Variants in PDCD4 observed in about 807,000 individuals in gnomAD.
PDCD4 encodes the protein programmed cell death protein 4.
Under a neutral mutation model 54.0 loss-of-function variants are expected in PDCD4, and 56 were observed. The ratio of observed to expected loss-of-function variants is 1.04; its 90% CI spans 0.84 to 1.30. The LOEUF is 1.30. Among genes scored for constraint, PDCD4 ranks in the 50% most tolerant of loss-of-function variants. The pLI is 0.00. For synonymous variants in PDCD4, 186 were observed against 194.8 expected, an observed-to-expected ratio of 0.95 and a Z score of 0.37; for missense variants, 584 against 559.8, an observed-to-expected ratio of 1.04 and a Z score of -0.44.
chr10:110,887,492 G>A (rs1348818040), intron 5 of PDCD4, among the ~76,000 whole-genome samples, 173 bp from the exon 6 acceptor site: 1 of 152,192 alleles, frequency 6.6e-6, no homozygotes, highest in Admixed American at 6.5e-5. Flanking sequence ...TTTATGCACA[G>A]GGAAAGGTGT....
At chr10:110,884,001 C>T (rs796493128) in intron 4 of PDCD4, among the ~76,000 whole-genome samples, 11 of 152,334 alleles carry the variant, frequency 7.2e-5, no homozygotes, top group African/African-American at 2.6e-4. Flanking sequence ...GTAAATATAG[C>T]AGTCCCCTCT....
At chr10:110,893,318 A>G (rs753287789) in intron 8 of PDCD4, among the ~76,000 whole-genome samples, 7 of 151,672 alleles carry the variant, frequency 4.6e-5, no homozygotes, top group Admixed American at 6.6e-5. Context: ...TTATGAAAAT[A>G]TCTTATAGAA....
intron 11 of PDCD4, among the ~76,000 whole-genome samples, chr10:110,897,014 C>CA (rs1160434366): frequency 2.6e-5 from 4 of 152,268 alleles, no homozygotes; most frequent in African/African-American, 9.6e-5. Flanking sequence ...AAGTGATATA[C>CA]ATCAGTAAAA....
At chr10:110,890,126 T>C (rs1029501160) in intron 7 of PDCD4, among the ~76,000 whole-genome samples, 1 of 152,236 alleles carries the variant, frequency 6.6e-6, no homozygotes, top group African/African-American at 2.4e-5. Context: ...TTGGGAGTTA[T>C]GCTATTTGAT....
intron 8 of PDCD4, among the ~76,000 whole-genome samples, chr10:110,891,685 T>A (rs1164307938): frequency 6.6e-6 from 1 of 152,168 alleles, no homozygotes; most frequent in Non-Finnish European, 1.5e-5. Context: ...TGTATGTGTA[T>A]CTAGCTTAAG....
rs1453582771 is a variant in PDCD4 at position 110,894,172 on chromosome 10, C to A, written c.1072C>A (p.His358Asn). ...EHCLKELEVP[H>N]FHHELVYEAI... ...TTGCCTTAAGGAACTGGAAGTACCTCATTTTCACCATGAGCTTGTATATGA... is the reference window on the plus strand; with the variant it reads ...TTGCCTTAAGGAACTGGAAGTACCTAATTTTCACCATGAGCTTGTATATGA... Residue 358 changes from histidine (H) to asparagine (N), a missense_variant, in exon 9 of 12, where the codon CAT becomes AAT. Coordinates refer to ENST00000280154, the MANE Select transcript of PDCD4 (RefSeq NM_014456.5). 1 of 1,592,890 alleles carries A rather than the reference C, an allele frequency of 6.3e-7. No homozygotes were observed. Among genetic ancestry groups the A allele is most frequent in the Non-Finnish European group, 8.6e-7 (1 of 1,161,032 alleles).
rs776512326 is a variant in PDCD4, at chr10:110,881,529, A to G, written c.340A>G (p.Lys114Glu). The G allele has an allele frequency of 3.7e-6, 6 of 1,610,006 alleles. No individual in the cohort carries two copies. In the South Asian group the frequency reaches 4.4e-5, roughly 12 times the overall value. Residue 114 changes from lysine to glutamate, a missense_variant, in exon 3 of 12, where the codon AAG (lysine) becomes GAG (glutamate). Coordinates refer to ENST00000280154, the MANE Select transcript of PDCD4 (RefSeq NM_014456.5). ...SRSGKGRGLP[K>E]KGGAGGKGVW... ...ATCTGGGAAAGGAAGGGGACTACCA[A>G]AGAAAGGTTGGTATATATCATGTCC...
In PDCD4 at chr10:110,899,049, T is replaced by C. The variant is rs994799070; in HGVS notation, c.*961T>C. The C allele has an allele frequency of 1.3e-5, 2 of 152,194 alleles. No individual in the cohort carries two copies. The highest frequency in any genetic ancestry group is 2.9e-5 in the Non-Finnish European group (2 of 68,018). The allele number at this position is 152,194 out of a possible 1,614,324, so 9.4% of individuals were successfully genotyped here. On this transcript the variant is annotated 3_prime_UTR_variant, in exon 12 of 12. Coordinates refer to ENST00000280154, the MANE Select transcript of PDCD4 (RefSeq NM_014456.5). ...AATTCTGTTACCAAATAATGGCTAA[T>C]GTTACAAAAAGTTATACTCCAGAGA...
At chr10:110,879,224 A>G (rs1306248897) in intron 2 of PDCD4, among the ~76,000 whole-genome samples, 2 of 152,198 alleles carry the variant, frequency 1.3e-5, no homozygotes, top group Admixed American at 6.5e-5. Flanking sequence ...TAATATACTC[A>G]GTATTCTTCT....
At chr10:110,875,583 A>G (rs1400261789) in intron 1 of PDCD4, among the ~76,000 whole-genome samples, 1 of 152,192 alleles carries the variant, frequency 6.6e-6, no homozygotes, top group African/African-American at 2.4e-5. Flanking sequence ...GGAACTATCC[A>G]GTATTTATAT....
chr10:110,887,702 G>A lies in PDCD4; in HGVS notation c.593G>A (p.Ser198Asn), dbSNP rs764099903. ...LRDLNLGEMKSGVPVLAVSLA... is the reference protein window; with the variant it reads ...LRDLNLGEMKNGVPVLAVSLA... ...GATTTAAATCTTGGTGAAATGAAAA[G>A]TGGAGTACCAGTGTTGGCAGTATCC... The change falls in exon 6 of 12, where the codon AGT (serine) becomes AAT (asparagine). Residue 198 changes from serine to asparagine, a missense_variant. Transcript: ENST00000280154. The A allele has an allele frequency of 6.2e-7, 1 of 1,613,152 alleles. No homozygotes were observed. Among genetic ancestry groups the A allele is most frequent in the East Asian group, 2.2e-5 (1 of 44,854 alleles).
rs748913599 is a variant in PDCD4 at position 110,889,534 on chromosome 10, T to A, written c.779T>A (p.Leu260Ter). The part of the protein sequence containing the change: ...LALDTPRAPQ[L>*]VGQFIARAVG... ...CTCTTTTTTTTTTCCTTTTTACAGT[T>A]GGTGGGCCAGTTTATTGCTAGAGCT... Residue 260 changes from leucine (L) to a stop codon, truncating the protein, a stop_gained and splice_region_variant, in exon 7 of 12, where the codon TTG (leucine) becomes TAG (stop). Transcript: ENST00000280154. LOFTEE classifies it high-confidence loss of function. The A allele has an allele frequency of 6.4e-7, 1 of 1,572,238 alleles. No individual in the cohort carries two copies. The highest frequency in any genetic ancestry group is 8.7e-7 in the Non-Finnish European group (1 of 1,149,066).
intron 2 of PDCD4, chr10:110,876,682 A>G (rs1393728753): frequency 1.1e-5 from 13 of 1,202,760 alleles, no homozygotes; most frequent in East Asian, 3.0e-5. Flanking sequence ...TATTTTCCCT[A>G]ATTCTCCATG....
chr10:110,882,830 A>T (rs1281760659), intron 3 of PDCD4, among the ~76,000 whole-genome samples, 173 bp from the exon 4 acceptor site: 1 of 152,182 alleles, frequency 6.6e-6, no homozygotes, highest in African/African-American at 2.4e-5. Context: ...GTTTTTGGAA[A>T]TATTGAAAGA....
At chr10:110,876,851 GTTCATA>G in intron 2 of PDCD4, 1 of 407,232 alleles carries the variant, frequency 2.5e-6, no homozygotes, top group South Asian at 1.0e-4. Flanking sequence ...AGTGAGAACA[GTTCATA>G]TTGGTATACT....
At chr10:110,885,417 C>G (rs990537429) in intron 5 of PDCD4, 51 bp downstream of exon 5, 2 of 769,536 alleles carry the variant, frequency 2.6e-6, no homozygotes, top group Admixed American at 2.4e-5. Flanking sequence ...GAGAAGACAT[C>G]TTTTATAAGC....
intron 8 of PDCD4, 24 bp from the exon 9 acceptor site, chr10:110,894,067 C>A: frequency 1.5e-6 from 2 of 1,361,912 alleles, no homozygotes; most frequent in Non-Finnish European, 2.1e-6. Flanking sequence ...AATTCTGACA[C>A]ATCTCAACTT....
In PDCD4 at chr10:110,881,357, T is replaced by C. The variant is rs1229364628; in HGVS notation, c.168T>C (p.Asn56=). 1 of 1,614,160 alleles carries C rather than the reference T, an allele frequency of 6.2e-7. No homozygotes were observed. The highest frequency in any genetic ancestry group is 1.7e-5 in the Admixed American group (1 of 60,026). ...CCTCCATTAACGAAGCTAGAATTAA[T>C]GCCAAGGCAAAAAGGCGACTAAGGA... ...SASSINEARI[N]AKAKRRLRKN... is the part of the protein sequence containing the mutation. The change falls in exon 3 of 12, where the codon AAT becomes AAC. Residue 56 remains asparagine (N), a synonymous_variant. Transcript: ENST00000280154.
In PDCD4 at chr10:110,898,250, A is replaced by C. The variant is rs1164132811; in HGVS notation, c.*162A>C. On this transcript the variant is annotated 3_prime_UTR_variant, in exon 12 of 12. Transcript: ENST00000280154. ...ACATTTAAGGGGAATTTTTAAAGGA[A>C]ATGTTTTTTCTTTTTTTTTTGTTTT... The C allele has an allele frequency of 1.2e-5, 5 of 418,242 alleles. No individual in the cohort carries two copies. Among genetic ancestry groups the C allele is most frequent in the Non-Finnish European group, 1.7e-5 (4 of 240,874 alleles). The allele number at this position is 418,242 out of a possible 1,614,324, so 25.9% of individuals were successfully genotyped here.
Sources: gnomAD v4.1 joint callset for allele counts (sites outside exome capture counted in the v4.1 genomes callset) on GRCh38, gnomAD v4.1.1 for gene constraint, MANE v1.5 for transcripts, NCBI Gene and HGNC (gene_info 2026-07-23, HGNC 2026-07-21) for gene names.